The following MUC4 variants were observed in gnomAD, a reference collection of about 807,000 sequenced individuals.
MUC4 encodes mucin-4.
A neutral mutation model predicts 257.9 loss-of-function variants in MUC4; 202 were observed. The observed-to-expected ratio is 0.78, with a 90% CI of 0.70 to 0.88. MUC4 has a LOEUF of 0.88. Ranked by LOEUF, MUC4 falls within the 40% of genes least tolerant of loss-of-function variation. MUC4 has a pLI of 0.00. For synonymous variants in MUC4, 2,351 were observed against 2,757.1 expected (o/e 0.85, Z 4.62); for missense variants, 5,976 against 6,513.7 (o/e 0.92, Z 2.84).
At chr3:195,798,714 T>A (rs189976380) in intron 1 of MUC4, among the ~76,000 whole-genome samples, 3,658 of 152,010 alleles carry the variant, frequency 0.024, 54 homozygotes, top group South Asian at 0.037. Flanking sequence ...AAAAAAAAAA[T>A]TAAAAATTAA....
intron 4 of MUC4, among the ~76,000 whole-genome samples, chr3:195,773,931 G>A (rs1723756855): frequency 6.6e-6 from 1 of 152,258 alleles, no homozygotes; most frequent in South Asian, 2.1e-4. Flanking sequence ...AGTTTCCCAA[G>A]TGTAGCTTTT....
chr3:195,747,386 G>T lies in MUC4; in HGVS notation c.16035-6C>A. On this transcript the variant is annotated splice_region_variant and splice_polypyrimidine_tract_variant and intron_variant, in intron 24 of 24. Transcript: ENST00000463781. ...AGATGGAGAAGGACACACAGCTGGT[G>T]ACCAAGAGAGACAGACAGGCGGTCA... 1.2e-6 allele frequency: 2 copies of T among 1,613,032 alleles called. No homozygotes were observed. The highest frequency in any genetic ancestry group is 2.2e-5 in the South Asian group (2 of 90,994).
At position 195,789,783 on chromosome 3, in the gene MUC4, TGAA is replaced by T. The variant is rs926446699; in HGVS notation, c.1794_1796del (p.Ser599del). ...GGGATGTGTGTCTATCCAGCATAGGTGAAGAAGATGGGGATGTGGCCGTTTTTA... is the reference window on the plus strand; with the variant it reads ...GGGATGTGTGTCTATCCAGCATAGGTGAAGATGGGGATGTGGCCGTTTTTA... On this transcript the variant is annotated inframe_deletion, in exon 2 of 25. Coordinates refer to ENST00000463781, the MANE Select transcript of MUC4 (RefSeq NM_018406.7). 1 of 1,613,952 alleles carries T rather than the reference TGAA, an allele frequency of 6.2e-7. No homozygotes were observed. Among genetic ancestry groups the T allele is most frequent in the Non-Finnish European group, 8.5e-7 (1 of 1,179,828 alleles).
At position 195,758,573 on chromosome 3, in the gene MUC4, C is replaced by CTTTTTTTTTTTTTTTTTTTTTTTTTTT. The variant is rs55860315; in HGVS notation, c.14986+550_14986+551insAAAAAAAAAAAAAAAAAAAAAAAAAAA. Among the ~76,000 whole-genome samples the CTTTTTTTTTTTTTTTTTTTTTTTTTTT allele has an allele frequency of 3.2e-5, 4 of 126,472 alleles. 1 individual carries two copies. The highest frequency in any genetic ancestry group is 3.2e-5 in the Non-Finnish European group (2 of 61,796). The allele number at this position is 126,472 out of a possible 152,430, so 83.0% of individuals were successfully genotyped here. ...GATTGAGATTAAATGATCTTCAAAT[C>CTTTTTTTTTTTTTTTTTTTTTTTTTTT]TTTTTTTTGAGACAGAGTCTCGCTC... On this transcript the variant is annotated intron_variant, in intron 17 of 24. Coordinates refer to ENST00000463781, the MANE Select transcript of MUC4 (RefSeq NM_018406.7).
At chr3:195,799,027 C>A (rs1251485352) in intron 1 of MUC4, among the ~76,000 whole-genome samples, 1 of 152,126 alleles carries the variant, frequency 6.6e-6, no homozygotes, top group Non-Finnish European at 1.5e-5. Context: ...CAACTGGAAG[C>A]GTTGTTACCC....
At position 195,788,678 on chromosome 3, in the gene MUC4, T is replaced by G; in HGVS notation, c.2902A>C (p.Thr968Pro). 6.3e-7 allele frequency: 1 copy of G among 1,594,106 alleles called. No homozygotes were observed. Among genetic ancestry groups the G allele is most frequent in the Non-Finnish European group, 8.5e-7 (1 of 1,177,002 alleles). ...SPSGSGKTFT[T>P]ALISNATPLP... ...GGGGTGGCGTTGCTGATGAGGGCCG[T>G]GGTGAAGGTTTTACCAGACCCTGAA... Residue 968 changes from threonine (T) to proline (P), a missense_variant, in exon 2 of 25, where the codon ACG (threonine) becomes CCG (proline). Coordinates refer to ENST00000463781, the MANE Select transcript of MUC4 (RefSeq NM_018406.7).
chr3:195,774,220 C>T lies in MUC4; in HGVS notation c.13029G>A (p.Lys4343=). The change falls in exon 4 of 25, where the codon AAG becomes AAA. Residue 4343 remains lysine (K), a synonymous_variant. Transcript: ENST00000463781. ...AGCCAAGGGGGAAGCCAGTCGCCGG[C>T]TTGAAGAGTGGGGAGGTGAAGTCCA... is the stretch of plus-strand genomic sequence containing the variant. The part of the protein sequence containing the change: ...RTVDFTSPLF[K]PATGFPLGSS... The T allele has an allele frequency of 6.2e-7, 1 of 1,608,738 alleles. No homozygotes were observed. Among genetic ancestry groups the T allele is most frequent in the Non-Finnish European group, 8.5e-7 (1 of 1,177,698 alleles).
In MUC4 at chr3:195,764,034, C is replaced by T; in HGVS notation, c.14044+11G>A. On this transcript the variant is annotated intron_variant, in intron 11 of 24. Coordinates refer to ENST00000463781, the MANE Select transcript of MUC4 (RefSeq NM_018406.7). ...CAGAGGCTCTTCCTGGGCCTGGGCC[C>T]TGTCGCTCACCGGGCTGTGGGGGCC... 6.2e-7 allele frequency: 1 copy of T among 1,607,842 alleles called. No individual in the cohort carries two copies. Among genetic ancestry groups the T allele is most frequent in the Non-Finnish European group, 8.5e-7 (1 of 1,177,534 alleles).
Position 195,761,596 on chromosome 3 carries a change from G to A in MUC4, c.14513-11C>T. 3.1e-6 allele frequency: 5 copies of A among 1,610,390 alleles called. No homozygotes were observed. The highest frequency in any genetic ancestry group is 2.5e-6 in the Non-Finnish European group (3 of 1,176,772). Reference sequence around the variant, plus strand: ...TGTTATTCCAGACCCCTGAGGGACAGAGTGGGAGGTTGGCCACCCTGGGCA... The same window carrying A: ...TGTTATTCCAGACCCCTGAGGGACAAAGTGGGAGGTTGGCCACCCTGGGCA... On this transcript the variant is annotated splice_polypyrimidine_tract_variant and intron_variant, in intron 14 of 24. Transcript: ENST00000463781.
Position 195,780,954 on chromosome 3 carries a change from A to T in MUC4, c.10626T>A (p.Leu3542=). The T allele has an allele frequency of 6.7e-7, 1 of 1,495,894 alleles. No individual in the cohort carries two copies. The highest frequency in any genetic ancestry group is 9.0e-7 in the Non-Finnish European group (1 of 1,110,982). 92.7% of individuals were successfully genotyped at this position (1,495,894 alleles called of 1,614,324 possible). Residue 3542 remains leucine (L), a synonymous_variant, in exon 2 of 25, where the codon CTT becomes CTA. Transcript: ENST00000463781. ...GHATPLPVTS[L]SSVSTGDTTP... ...TGGTGTCACCTGTGGATACTGAGGA[A>T]AGGCTGGTGACAGGAAGAGGCGTGG...
In MUC4 at chr3:195,765,344, C is replaced by T. The variant is rs967598145; in HGVS notation, c.13724G>A (p.Gly4575Asp). ...ACAAGGGCAGGAGACCTGGTTCCAG[C>T]CCCAGCTGGGCCACCGAGGCTGGCT... is the stretch of plus-strand genomic sequence containing the variant. ...LKSQPRWPSW[G>D]WNQVSCPCSW... is the part of the protein sequence containing the mutation. Residue 4575 changes from glycine (G) to aspartate (D), a missense_variant, in exon 9 of 25, where the codon GGC becomes GAC. This residue lies in a region of MUC4 where 996 missense variants were observed against 1,137.3 expected (regional missense o/e 0.88). Coordinates refer to ENST00000463781, the MANE Select transcript of MUC4 (RefSeq NM_018406.7). 3 of 1,613,658 alleles carry T rather than the reference C, an allele frequency of 1.9e-6. No individual in the cohort carries two copies. The highest frequency in any genetic ancestry group is 2.7e-5 in the African/African-American group (2 of 74,918).
Position 195,778,463 on chromosome 3 carries a change from C to G in MUC4, c.12791-8G>C, listed in dbSNP as rs369129674. On this transcript the variant is annotated splice_region_variant and splice_polypyrimidine_tract_variant and intron_variant, in intron 2 of 24. Coordinates refer to ENST00000463781, the MANE Select transcript of MUC4 (RefSeq NM_018406.7). ...GTGACGGTGTTGTCATTCCTGGACA[C>G]GTGAAAAGACAAGGCGGGGTGTTTC... 6.2e-7 allele frequency: 1 copy of G among 1,610,832 alleles called. No individual in the cohort carries two copies. Among genetic ancestry groups the G allele is most frequent in the Non-Finnish European group, 8.5e-7 (1 of 1,179,254 alleles).
chr3:195,770,287 AG>A lies in MUC4; in HGVS notation c.13326del (p.Tyr4443ThrfsTer7). The A allele has an allele frequency of 6.2e-7, 1 of 1,614,058 alleles. No homozygotes were observed. Among genetic ancestry groups the A allele is most frequent in the Middle Eastern group, 1.6e-4 (1 of 6,062 alleles). On this transcript the variant is annotated frameshift_variant, in exon 6 of 25. Transcript: ENST00000463781. LOFTEE classifies it high-confidence loss of function. ...SWIRKMTNNGGYKARWALKVT... is the reference protein window; with the variant it reads ...SWIRKMTNNGXYKARWALKVT... ...ACCTTTAGGGCCCACCTGGCCTTGTAGCCCCCGTTGTTTGTCATCTTTCTAA... is the reference window on the plus strand; with the variant it reads ...ACCTTTAGGGCCCACCTGGCCTTGTACCCCCGTTGTTTGTCATCTTTCTAA...
Position 195,766,722 on chromosome 3 carries a change from A to G in MUC4, c.13559T>C (p.Leu4520Pro), listed in dbSNP as rs1447989395. The G allele has an allele frequency of 2.5e-6, 4 of 1,614,080 alleles. No individual in the cohort carries two copies. Among genetic ancestry groups the G allele is most frequent in the Middle Eastern group, 1.6e-4 (1 of 6,078 alleles). The part of the protein sequence containing the change: ...SGDGYFENSP[L>P]MSQPVWERYR... ...CCTCTCCCACACTGGCTGGGACATCAGTGGGCTGTTTTCGAAATAGCCATC... is the reference window on the plus strand; with the variant it reads ...CCTCTCCCACACTGGCTGGGACATCGGTGGGCTGTTTTCGAAATAGCCATC... The change falls in exon 8 of 25, where the codon CTG becomes CCG. Residue 4520 changes from leucine (L) to proline (P), a missense_variant. Physicochemically the swap from Leu to Pro is moderately conservative, Grantham distance 98. Around this residue, in one of 44 missense-constraint regions of MUC4, gnomAD observed 996 missense variants for 1,137.3 expected, o/e 0.88. Coordinates refer to ENST00000463781, the MANE Select transcript of MUC4 (RefSeq NM_018406.7).
intron 5 of MUC4, chr3:195,770,582 G>A: frequency 6.6e-6 from 4 of 606,430 alleles, no homozygotes; most frequent in Middle Eastern, 4.3e-4. Flanking sequence ...GCAGAATGCA[G>A]GGTCGTGGCC....
At position 195,788,357 on chromosome 3, in the gene MUC4, C is replaced by T. The variant is rs568795141; in HGVS notation, c.3223G>A (p.Val1075Ile). ...GTGGATGCTGAGGAAAGGCTGGTGACAGGAAGAGGGGTGACGTGACCTGTG... is the reference window on the plus strand; with the variant it reads ...GTGGATGCTGAGGAAAGGCTGGTGATAGGAAGAGGGGTGACGTGACCTGTG... ...ASTGHVTPLP[V>I]TSLSSASTGD... Residue 1075 changes from valine (V) to isoleucine (I), a missense_variant, in exon 2 of 25, where the codon GTC becomes ATC. Val to Ile is a conservative substitution (Grantham distance 29, BLOSUM62 3). Around this residue, in one of 44 missense-constraint regions of MUC4, gnomAD observed 68 missense variants for 90.4 expected, o/e 0.75. Coordinates refer to ENST00000463781, the MANE Select transcript of MUC4 (RefSeq NM_018406.7). 81 of 1,541,622 alleles carry T rather than the reference C, an allele frequency of 5.3e-5. 2 individuals carry two copies. The African/African-American group carries it at 1.0e-3, about 19-fold the overall frequency.
At chr3:195,804,630 C>T (rs970167858) in intron 1 of MUC4, among the ~76,000 whole-genome samples, 6 of 152,224 alleles carry the variant, frequency 3.9e-5, no homozygotes, top group African/African-American at 1.2e-4. Flanking sequence ...TACTTCCTGA[C>T]GGGTGGGGCC....
intron 3 of MUC4, among the ~76,000 whole-genome samples, chr3:195,777,497 A>T: frequency 8.3e-6 from 1 of 121,018 alleles, no homozygotes; most frequent in African/African-American, 3.9e-5. Context: ...TTCCACACCC[A>T]TACCTTCCAC....
intron 7 of MUC4, among the ~76,000 whole-genome samples, chr3:195,768,368 G>A (rs1298767957): frequency 1.3e-5 from 2 of 152,134 alleles, no homozygotes; most frequent in Non-Finnish European, 2.9e-5. Context: ...CTGCTACATC[G>A]GAGACAGCCT....
Sources: gnomAD v4.1 joint callset for allele counts (sites outside exome capture counted in the v4.1 genomes callset) on GRCh38, gnomAD v4.1.1 for gene constraint, gnomAD v4.1.1 regional missense constraint, MANE v1.5 for transcripts, NCBI Gene and HGNC (gene_info 2026-07-23, HGNC 2026-07-21) for gene names.